Variants in FRAS1 observed in about 807,000 individuals in gnomAD.
FRAS1 encodes extracellular matrix organizing protein FRAS1.
In FRAS1, 290 loss-of-function variants were observed where a neutral mutation model predicts 435.2. That is an observed-to-expected ratio of 0.67 (90% CI 0.61 to 0.73). FRAS1 has a LOEUF of 0.73. FRAS1 is among the 30% of genes least tolerant of loss of function. The pLI, the probability that FRAS1 is intolerant of heterozygous loss-of-function variation, is 0.00. For synonymous variants in FRAS1, 1,800 were observed against 1,851.0 expected (o/e 0.97, Z 0.71); for missense variants, 4,860 against 5,001.5 (o/e 0.97, Z 0.85).
chr4:78,372,474 G>A (rs560228766), intron 23 of FRAS1, among the ~76,000 whole-genome samples: 4 of 152,308 alleles, frequency 2.6e-5, no homozygotes, highest in Admixed American at 6.5e-5. Context: ...CAACAAGCAG[G>A]CTCAGCACAA....
chr4:78,388,340 A>AC (rs1732307327), intron 29 of FRAS1, among the ~76,000 whole-genome samples: 2 of 150,836 alleles, frequency 1.3e-5, no homozygotes, highest in Admixed American at 6.6e-5. Flanking sequence ...CCAAAAAAAA[A>AC]AAAAAACAAA....
intron 2 of FRAS1, among the ~76,000 whole-genome samples, chr4:78,172,948 G>A (rs1403413405): frequency 1.3e-5 from 2 of 152,018 alleles, no homozygotes; most frequent in Non-Finnish European, 2.9e-5. Context: ...TAGTGCCCTT[G>A]CGGTCTCTGT....
At chr4:78,336,346 G>C (rs1730169806) in intron 19 of FRAS1, among the ~76,000 whole-genome samples, 1 of 152,122 alleles carries the variant, frequency 6.6e-6, no homozygotes, top group Admixed American at 6.5e-5. Flanking sequence ...TTTCATCCTA[G>C]CCCAGCTGGT....
At chr4:78,460,289 G>A (rs190710709) in intron 47 of FRAS1, among the ~76,000 whole-genome samples, 9 of 152,280 alleles carry the variant, frequency 5.9e-5, no homozygotes, top group Admixed American at 3.9e-4. Context: ...AGGGGAATTG[G>A]AAAGACTGAC....
chr4:78,498,462 T>C (rs6827590), intron 60 of FRAS1, among the ~76,000 whole-genome samples: 115,212 of 151,158 alleles, frequency 0.76, 44,698 homozygotes, highest in East Asian at 1. Context: ...GCTGAGATCG[T>C]GCCATTGCAC....
At chr4:78,454,343 T>G (rs1394847203) in intron 47 of FRAS1, among the ~76,000 whole-genome samples, 4 of 151,360 alleles carry the variant, frequency 2.6e-5, no homozygotes, top group African/African-American at 9.7e-5. Flanking sequence ...TGGTGGAGGG[T>G]GATCAAATGG....
chr4:78,473,773 T>C (rs1426868746), intron 53 of FRAS1, among the ~76,000 whole-genome samples, 176 bp downstream of exon 53: 1 of 146,616 alleles, frequency 6.8e-6, no homozygotes, highest in Non-Finnish European at 1.5e-5. Flanking sequence ...ATGTATTAGG[T>C]GCTGCACTAG....
chr4:78,171,620 A>G (rs1207222523), intron 2 of FRAS1, among the ~76,000 whole-genome samples: 2 of 150,740 alleles, frequency 1.3e-5, no homozygotes, highest in East Asian at 3.9e-4. Flanking sequence ...TTCTCTTACC[A>G]CTCTTTCCAT....
intron 59 of FRAS1, among the ~76,000 whole-genome samples, chr4:78,493,066 C>T (rs1214483996): frequency 6.6e-6 from 1 of 151,984 alleles, no homozygotes; most frequent in African/African-American, 2.4e-5. Flanking sequence ...CTCATCATCA[C>T]TGGTTGTTAG....
At chr4:78,330,139 A>G (rs1729886675) in intron 18 of FRAS1, among the ~76,000 whole-genome samples, 1 of 152,210 alleles carries the variant, frequency 6.6e-6, no homozygotes, top group Non-Finnish European at 1.5e-5. Flanking sequence ...TTTCATGGAC[A>G]TTTATTAGTT....
rs148177058 is a variant in FRAS1 at position 78,336,488 on chromosome 4, A to G, written c.2279-1186A>G. Among the ~76,000 whole-genome samples, 661 of 152,328 alleles carry G rather than the reference A, an allele frequency of 4.3e-3. 5 individuals are homozygous for G. The highest frequency in any genetic ancestry group is 5.6e-3 in the Non-Finnish European group (378 of 68,032). The stretch of plus-strand genomic sequence containing the variant: ...CAGCAGGGCACCCAGGTCACTGGAA[A>G]TATTCTGATAGGGAGGAAGAACTGG... On this transcript the variant is annotated intron_variant, in intron 19 of 73. Transcript: ENST00000512123.
intron 67 of FRAS1, 69 bp from the exon 68 acceptor site, chr4:78,521,454 C>A: frequency 1.0e-6 from 1 of 987,910 alleles, no homozygotes; most frequent in Non-Finnish European, 1.6e-6. Context: ...CTTGGGATAA[C>A]TTATATGTGG....
rs376189459 is a variant in FRAS1, at chr4:78,478,012, C to T, written c.8049C>T (p.Tyr2683=). 1.7e-5 allele frequency: 28 copies of T among 1,603,894 alleles called. No homozygotes were observed. The highest frequency in any genetic ancestry group is 2.3e-5 in the Non-Finnish European group (27 of 1,175,106). The change falls in exon 55 of 74, where the codon TAC becomes TAT. Residue 2683 remains tyrosine, a synonymous_variant. Coordinates refer to ENST00000512123, the MANE Select transcript of FRAS1 (RefSeq NM_025074.7). ...CATTAGAGTTTGACAAGAAGATCTA[C>T]TGGGTTAACGAGAGCGCTGGTTTTC... The part of the protein sequence containing the change: ...EPTLEFDKKI[Y]WVNESAGFLF...
At chr4:78,203,221 G>A (rs1202344772) in intron 2 of FRAS1, among the ~76,000 whole-genome samples, 1 of 152,194 alleles carries the variant, frequency 6.6e-6, no homozygotes, top group African/African-American at 2.4e-5. Context: ...GGCAATAAGT[G>A]TGATAAAATG....
At chr4:78,089,028 C>T (rs1039509268) in intron 2 of FRAS1, among the ~76,000 whole-genome samples, 6 of 151,980 alleles carry the variant, frequency 3.9e-5, no homozygotes, top group Non-Finnish European at 8.8e-5. Flanking sequence ...TGGAACCAAC[C>T]GAAATGTCCA....
At chr4:78,322,680 T>C (rs1389289144) in intron 18 of FRAS1, among the ~76,000 whole-genome samples, 2 of 152,106 alleles carry the variant, frequency 1.3e-5, no homozygotes, top group African/African-American at 2.4e-5. Flanking sequence ...AAAACAATAC[T>C]ACAGATATTT....
chr4:78,414,473 G>C (rs887737012), intron 32 of FRAS1, among the ~76,000 whole-genome samples: 7 of 152,112 alleles, frequency 4.6e-5, no homozygotes, highest in African/African-American at 1.7e-4. Flanking sequence ...TGTTAAATGT[G>C]ATTAGTCTAC....
At chr4:78,515,727 G>A (rs1243322619) in intron 65 of FRAS1, 72 bp from the exon 66 acceptor site, 1 of 1,410,622 alleles carries the variant, frequency 7.1e-7, no homozygotes, top group South Asian at 1.2e-5. Flanking sequence ...AAAAGGGTGA[G>A]CTCTTCACCC....
In FRAS1 at chr4:78,508,640, A is replaced by G. The variant is rs538964693; in HGVS notation, c.9505-91A>G. 6.0e-6 allele frequency: 8 copies of G among 1,341,916 alleles called. No individual in the cohort carries two copies. The South Asian group carries it at 9.1e-5, about 15-fold the overall frequency. The allele number at this position is 1,341,916 out of a possible 1,614,324, so 83.1% of individuals were successfully genotyped here. ...TATTTCAAAGAACCTGTAGACACTA[A>G]GAGATCTTGTGGATCTCTAAAGAAA... On this transcript the variant is annotated intron_variant, in intron 62 of 73. Coordinates refer to ENST00000512123, the MANE Select transcript of FRAS1 (RefSeq NM_025074.7).
Sources: allele counts gnomAD v4.1 joint callset (sites outside exome capture counted in the v4.1 genomes callset), GRCh38; gene constraint gnomAD v4.1.1; transcripts MANE v1.5; gene names NCBI Gene and HGNC (gene_info 2026-07-23, HGNC 2026-07-21).